SCFD2: variants seen among roughly 807,000 people sequenced by gnomAD.
The protein encoded by SCFD2 is sec1 family domain-containing protein 2.
A neutral mutation model predicts 58.9 loss-of-function variants in SCFD2; 54 were observed. The observed-to-expected ratio is 0.92, with a 90% CI of 0.74 to 1.15. SCFD2 has a LOEUF of 1.15. Ranked by LOEUF, SCFD2 falls within the 50% of genes most tolerant of loss-of-function variation. The probability of loss-of-function intolerance (pLI) is 0.00; values close to 1 mark genes in which losing one functional copy is unlikely to be tolerated. For missense variants in SCFD2, 805 were observed against 836.6 expected (o/e 0.96, Z 0.47); for synonymous variants, 321 against 335.9 (o/e 0.96, Z 0.49).
intron 4 of SCFD2, among the ~76,000 whole-genome samples, chr4:53,189,414 TG>T (rs1178295059): frequency 6.6e-6 from 1 of 152,208 alleles, no homozygotes. Flanking sequence ...CCTCCCCAGT[TG>T]ATCTACCTGT....
At chr4:52,925,558 G>A (rs550206799) in intron 5 of SCFD2, among the ~76,000 whole-genome samples, 6 of 152,134 alleles carry the variant, frequency 3.9e-5, no homozygotes, top group Admixed American at 3.9e-4. Flanking sequence ...TCCCGGGCCT[G>A]GTTGCACAGC....
At chr4:53,148,299 C>T (rs1013951671) in intron 4 of SCFD2, among the ~76,000 whole-genome samples, 1 of 152,190 alleles carries the variant, frequency 6.6e-6, no homozygotes, top group African/African-American at 2.4e-5. Flanking sequence ...GTCTAAGATA[C>T]GTGCAAGAGA....
intron 5 of SCFD2, among the ~76,000 whole-genome samples, chr4:53,044,916 C>CCCCCCCCCCCCCCCCCCCCCCCCGCCA (rs59844812): frequency 1.8e-5 from 2 of 110,288 alleles, no homozygotes; most frequent in African/African-American, 5.9e-5. Flanking sequence ...ACCCCCCCCC[C>CCCCCCCCCCCCCCCCCCCCCCCCGCCA]CCGCCCACAA....
intron 4 of SCFD2, among the ~76,000 whole-genome samples, chr4:53,226,147 C>A (rs1413368712): frequency 1.3e-5 from 2 of 152,052 alleles, no homozygotes; most frequent in Non-Finnish European, 2.9e-5. Flanking sequence ...AATAATCACT[C>A]CCCTCATCAA....
intron 4 of SCFD2, among the ~76,000 whole-genome samples, chr4:53,191,177 C>G (rs1368948447): frequency 6.6e-6 from 1 of 151,916 alleles, no homozygotes; most frequent in Non-Finnish European, 1.5e-5. Flanking sequence ...GTGAAACCCC[C>G]ATCTCTACTA....
At chr4:53,176,566 T>A (rs151039197) in intron 4 of SCFD2, among the ~76,000 whole-genome samples, 6 of 152,352 alleles carry the variant, frequency 3.9e-5, no homozygotes, top group African/African-American at 1.2e-4. Context: ...ATAACTACCA[T>A]GCTAAACAAA....
intron 4 of SCFD2, among the ~76,000 whole-genome samples, chr4:53,228,156 T>A (rs1729286600): frequency 6.6e-6 from 1 of 152,198 alleles, no homozygotes; most frequent in Non-Finnish European, 1.5e-5. Flanking sequence ...TTAAGCCTAG[T>A]TCTTGTCACT....
At chr4:53,072,205 G>C (rs1219075008) in intron 5 of SCFD2, among the ~76,000 whole-genome samples, 3 of 152,128 alleles carry the variant, frequency 2.0e-5, no homozygotes, top group Non-Finnish European at 4.4e-5. Flanking sequence ...CAAAGATGGA[G>C]AGAGAAAGGG....
chr4:53,063,459 G>T (rs1215038909), intron 5 of SCFD2, among the ~76,000 whole-genome samples: 1 of 152,032 alleles, frequency 6.6e-6, no homozygotes, highest in Non-Finnish European at 1.5e-5. Context: ...AGATAAAAAG[G>T]GGAGGAAGGA....
chr4:53,033,088 T>C (rs1326033696), intron 5 of SCFD2, among the ~76,000 whole-genome samples: 1 of 151,980 alleles, frequency 6.6e-6, no homozygotes, highest in Non-Finnish European at 1.5e-5. Context: ...CCTCAGGAAA[T>C]GCAAAAGAAT....
intron 2 of SCFD2, among the ~76,000 whole-genome samples, chr4:53,331,895 T>A (rs1488488247): frequency 4.0e-5 from 6 of 151,792 alleles, no homozygotes; most frequent in African/African-American, 1.5e-4. Flanking sequence ...ATAGAGGCAA[T>A]AAAAAATGAT....
intron 5 of SCFD2, among the ~76,000 whole-genome samples, chr4:52,968,600 C>T (rs1218392587): frequency 6.6e-6 from 1 of 152,162 alleles, no homozygotes; most frequent in Non-Finnish European, 1.5e-5. Context: ...GGGAAGATTA[C>T]ACAGAGGTTG....
intron 4 of SCFD2, among the ~76,000 whole-genome samples, chr4:53,185,513 T>A (rs1350993617): frequency 6.6e-6 from 1 of 152,104 alleles, no homozygotes; most frequent in African/African-American, 2.4e-5. Context: ...TAGTCTCTCA[T>A]GTTGACTGTT....
chr4:53,045,097 A>C (rs901886846), intron 5 of SCFD2, among the ~76,000 whole-genome samples: 2 of 152,176 alleles, frequency 1.3e-5, no homozygotes, highest in South Asian at 4.1e-4. Flanking sequence ...CCTGATGACA[A>C]AGTGTGATCC....
intron 5 of SCFD2, among the ~76,000 whole-genome samples, chr4:53,028,001 C>T (rs1265098409): frequency 1.3e-5 from 2 of 151,482 alleles, no homozygotes; most frequent in Admixed American, 6.6e-5. Flanking sequence ...AATCCCAGCA[C>T]TTTGGGAGGC....
chr4:53,344,928 C>A (rs545461263), intron 2 of SCFD2, among the ~76,000 whole-genome samples: 10 of 152,238 alleles, frequency 6.6e-5, no homozygotes, highest in African/African-American at 1.9e-4. Context: ...CCCTTCCTTA[C>A]ACCTTATACA....
intron 4 of SCFD2, among the ~76,000 whole-genome samples, chr4:53,237,389 G>A (rs570051605): frequency 0.016 from 2,438 of 150,726 alleles, 130 homozygotes; most frequent in African/African-American, 0.058. Context: ...CCGGGCAGAC[G>A]GGCTCCTCAC....
At chr4:53,162,625 G>T (rs372350218) in intron 4 of SCFD2, among the ~76,000 whole-genome samples, 3 of 151,664 alleles carry the variant, frequency 2.0e-5, no homozygotes, top group African/African-American at 4.9e-5. Context: ...TTTAATGATT[G>T]CCATTCTAAC....
At chr4:53,106,925 C>A (rs1002214278) in intron 5 of SCFD2, among the ~76,000 whole-genome samples, 2 of 152,124 alleles carry the variant, frequency 1.3e-5, no homozygotes, top group African/African-American at 4.8e-5. Context: ...ATGTAATCAT[C>A]AGATTCACCA....
Sources: gnomAD v4.1 joint callset for allele counts (sites outside exome capture counted in the v4.1 genomes callset) on GRCh38, gnomAD v4.1.1 for gene constraint, MANE v1.5 for transcripts, NCBI Gene and HGNC (gene_info 2026-07-23, HGNC 2026-07-21) for gene names.